Variants in MYO3A observed in about 807,000 individuals in gnomAD.
MYO3A encodes myosin IIIA, also known as myosin-IIIa.
A neutral mutation model predicts 192.7 loss-of-function variants in MYO3A; 180 were observed. The ratio of observed to expected loss-of-function variants is 0.93; its 90% CI spans 0.83 to 1.06. The LOEUF is 1.06. Among genes scored for constraint, MYO3A ranks in the 50% least tolerant of loss-of-function variants. The pLI, the probability that MYO3A is intolerant of heterozygous loss-of-function variation, is 0.00. For synonymous variants in MYO3A, 628 were observed against 645.3 expected, an observed-to-expected ratio of 0.97 and a Z score of 0.41; for missense variants, 1,896 against 1,905.0, an observed-to-expected ratio of 1.00 and a Z score of 0.09.
In MYO3A at chr10:26,154,708, A is replaced by G. The variant is rs139204404; in HGVS notation, c.2716-38A>G. On this transcript the variant is annotated intron_variant, in intron 24 of 34. Coordinates refer to ENST00000642920, the MANE Select transcript of MYO3A (RefSeq NM_017433.5). ...CTGTCTGTAGATAATAAAGTACAAT[A>G]GATACCAAGGCATCACTGTCTTCCT... 1.5e-4 allele frequency: 232 copies of G among 1,570,638 alleles called. No homozygotes were observed. In the African/African-American group the frequency reaches 2.8e-3, roughly 19 times the overall value.
At chr10:25,996,441 A>G (rs1433949642) in intron 4 of MYO3A, 49 bp from the exon 5 acceptor site, 4 of 1,507,376 alleles carry the variant, frequency 2.7e-6, no homozygotes, top group Admixed American at 1.7e-5. Context: ...TAGAAAGAAC[A>G]TAAAATGTCA....
At chr10:26,156,448 C>G (rs1030904464) in intron 25 of MYO3A, among the ~76,000 whole-genome samples, 1 of 152,166 alleles carries the variant, frequency 6.6e-6, no homozygotes, top group Non-Finnish European at 1.5e-5. Flanking sequence ...ATATGTTATA[C>G]TTACTTGTCT....
intron 10 of MYO3A, among the ~76,000 whole-genome samples, chr10:26,046,555 C>T (rs72795808): frequency 0.16 from 24,730 of 152,054 alleles, 2,306 homozygotes; most frequent in Non-Finnish European, 0.21. Flanking sequence ...AACGTGGACA[C>T]GTGGATCAGG....
intron 6 of MYO3A, among the ~76,000 whole-genome samples, chr10:26,002,558 A>G (rs1840895311): frequency 6.6e-6 from 1 of 152,162 alleles, no homozygotes; most frequent in African/African-American, 2.4e-5. Flanking sequence ...AAAAATGGTT[A>G]TGACCGAGCA....
intron 4 of MYO3A, among the ~76,000 whole-genome samples, chr10:25,965,954 T>C (rs2130689665): frequency 6.7e-6 from 1 of 148,764 alleles, no homozygotes; most frequent in Middle Eastern, 3.4e-3. Context: ...GAACTGTTTT[T>C]TTTTTTCTCT....
Position 26,088,270 on chromosome 10 carries a change from C to G in MYO3A, c.1427C>G (p.Ala476Gly). The G allele has an allele frequency of 1.2e-6, 2 of 1,613,540 alleles. No individual in the cohort carries two copies. The highest frequency in any genetic ancestry group is 1.7e-4 in the Middle Eastern group (1 of 6,022). ...VNNLVEAFGN[A>G]CTIINDNSSR... is the part of the protein sequence containing the mutation. ...AATTTGGTAGAAGCCTTTGGCAATG[C>G]CTGCACTATTATAAATGACAATTCT... Residue 476 changes from alanine (A) to glycine (G), a missense_variant, in exon 15 of 35, where the codon GCC becomes GGC. Ala to Gly is a moderately conservative substitution (Grantham distance 60). Transcript: ENST00000642920.
At chr10:26,086,293 A>G (rs1836306984) in intron 14 of MYO3A, among the ~76,000 whole-genome samples, 2 of 152,100 alleles carry the variant, frequency 1.3e-5, no homozygotes. Context: ...AGTCATTATC[A>G]CAAGAACAGT....
chr10:26,080,033 G>C (rs943498995), intron 14 of MYO3A, among the ~76,000 whole-genome samples: 35 of 152,060 alleles, frequency 2.3e-4, no homozygotes, highest in Non-Finnish European at 4.3e-4. Context: ...GAATTTCCCG[G>C]GTATTCTTTG....
At chr10:26,048,032 C>G (rs1403966149) in intron 10 of MYO3A, among the ~76,000 whole-genome samples, 1 of 151,990 alleles carries the variant, frequency 6.6e-6, no homozygotes, top group Non-Finnish European at 1.5e-5. Context: ...TTGACAGTAC[C>G]TTACTGGAAA....
At chr10:26,176,658 A>G (rs1158279386) in intron 30 of MYO3A, 43 bp from the exon 31 acceptor site, 1 of 1,572,978 alleles carries the variant, frequency 6.4e-7, no homozygotes, top group African/African-American at 1.3e-5. Context: ...AACTCTCTGT[A>G]TTCTTTTCCT....
chr10:26,051,312 A>G (rs2131288636), intron 10 of MYO3A, among the ~76,000 whole-genome samples: 1 of 152,124 alleles, frequency 6.6e-6, no homozygotes, highest in Admixed American at 6.5e-5. Context: ...AGAATTTAAT[A>G]TTTTTCTGAA....
At chr10:26,189,925 C>T (rs995802539) in intron 31 of MYO3A, among the ~76,000 whole-genome samples, 1 of 151,888 alleles carries the variant, frequency 6.6e-6, no homozygotes, top group African/African-American at 2.4e-5. Flanking sequence ...TATCTGGGCG[C>T]AGTGGCAAGC....
intron 9 of MYO3A, among the ~76,000 whole-genome samples, chr10:26,025,231 T>A (rs1038416144): frequency 5.9e-5 from 9 of 152,224 alleles, no homozygotes; most frequent in African/African-American, 2.2e-4. Context: ...ATATTTTTGG[T>A]TAAGCTCAAT....
intron 6 of MYO3A, among the ~76,000 whole-genome samples, chr10:26,007,190 G>C (rs1841284246): frequency 2.0e-5 from 3 of 149,140 alleles, no homozygotes; most frequent in African/African-American, 7.7e-5. Context: ...AGCCCTTCAT[G>C]CTAAAAACTC....
intron 17 of MYO3A, among the ~76,000 whole-genome samples, chr10:26,120,246 T>C (rs561697477): frequency 6.6e-6 from 1 of 152,262 alleles, no homozygotes; most frequent in East Asian, 1.9e-4. Flanking sequence ...GATTTTTCTT[T>C]CTTAGTCCTC....
chr10:26,012,438 A>AC (rs1841722307), intron 6 of MYO3A, among the ~76,000 whole-genome samples: 1 of 152,132 alleles, frequency 6.6e-6, no homozygotes, highest in African/African-American at 2.4e-5. Flanking sequence ...GCCCTGCTAT[A>AC]CCCCAAAACG....
intron 10 of MYO3A, among the ~76,000 whole-genome samples, chr10:26,057,239 G>T (rs534991210): frequency 1.3e-5 from 2 of 152,302 alleles, no homozygotes; most frequent in South Asian, 2.1e-4. Context: ...GAAAAATGCA[G>T]CAAATTGAGG....
intron 18 of MYO3A, among the ~76,000 whole-genome samples, chr10:26,121,324 A>T (rs1838846170): frequency 6.6e-6 from 1 of 152,124 alleles, no homozygotes; most frequent in African/African-American, 2.4e-5. Flanking sequence ...CAGTAATTTA[A>T]GGTTTTCCAT....
At chr10:25,972,925 A>C (rs1416770793) in intron 4 of MYO3A, among the ~76,000 whole-genome samples, 1 of 152,176 alleles carries the variant, frequency 6.6e-6, no homozygotes, top group Admixed American at 6.5e-5. Flanking sequence ...TTACAGGAGT[A>C]CTTTTTGTGG....
Sources: allele counts gnomAD v4.1 joint callset (sites outside exome capture counted in the v4.1 genomes callset), GRCh38; gene constraint gnomAD v4.1.1; transcripts MANE v1.5; gene names NCBI Gene and HGNC (gene_info 2026-07-23, HGNC 2026-07-21).